SNTG1: variants seen among roughly 807,000 people sequenced by gnomAD.
SNTG1 encodes syntrophin gamma 1.
A neutral mutation model predicts 74.7 loss-of-function variants in SNTG1; 39 were observed. The observed-to-expected ratio is 0.52, with a 90% CI of 0.40 to 0.68. The LOEUF is 0.68. Among genes scored for constraint, SNTG1 ranks in the 30% least tolerant of loss-of-function variants. The probability of loss-of-function intolerance (pLI) is 0.00; values close to 1 mark genes in which losing one functional copy is unlikely to be tolerated. For synonymous variants in SNTG1, 254 were observed against 217.1 expected, an observed-to-expected ratio of 1.17 and a Z score of -1.49; for missense variants, 685 against 609.5, an observed-to-expected ratio of 1.12 and a Z score of -1.30.
intron 2 of SNTG1, among the ~76,000 whole-genome samples, chr8:50,281,500 C>CT (rs1359844729): frequency 6.6e-6 from 1 of 152,174 alleles, no homozygotes; most frequent in East Asian, 1.9e-4. Flanking sequence ...TCACCTTCAG[C>CT]TTGCAGGGCT....
intron 15 of SNTG1, among the ~76,000 whole-genome samples, chr8:50,701,579 T>TTTCTTCTTC (rs1209542582): frequency 1.2e-5 from 1 of 83,756 alleles, no homozygotes; most frequent in Non-Finnish European, 2.1e-5. Flanking sequence ...ATAATACCTT[T>TTTCTTCTTC]TTCTTCCTCT....
chr8:50,442,869 C>G (rs1217295649), intron 5 of SNTG1, among the ~76,000 whole-genome samples: 1 of 152,136 alleles, frequency 6.6e-6, no homozygotes, highest in Non-Finnish European at 1.5e-5. Context: ...GCAGATTCAG[C>G]AGGCTAGTGG....
rs558291651 is a variant in SNTG1, at chr8:50,507,127, CATAG to C, written c.466+4254_466+4257del. Reference sequence around the variant, plus strand: ...TTCTGTTATTGTGATGTGTTAATTACATAGATAGATTTTTTTTCATGTTGAACCA... The same window carrying C: ...TTCTGTTATTGTGATGTGTTAATTACATAGATTTTTTTTCATGTTGAACCA... On this transcript the variant is annotated intron_variant, in intron 9 of 18. Transcript: ENST00000642720. 2.3e-3 allele frequency among the ~76,000 whole-genome samples: 342 copies of C among 151,760 alleles called. 2 individuals are homozygous for C. The highest frequency in any genetic ancestry group is 8.0e-3 in the African/African-American group (332 of 41,394).
intron 18 of SNTG1, among the ~76,000 whole-genome samples, chr8:50,787,732 C>A (rs7821741): frequency 6.6e-6 from 1 of 151,754 alleles, no homozygotes; most frequent in African/African-American, 2.4e-5. Context: ...ATTAAGTGAA[C>A]GTAGATAATC....
At chr8:50,088,887 C>T (rs1176363092) in intron 1 of SNTG1, among the ~76,000 whole-genome samples, 1 of 149,188 alleles carries the variant, frequency 6.7e-6, no homozygotes, top group Non-Finnish European at 1.5e-5. Context: ...ACTTTCTTCA[C>T]AGAATTGGAA....
intron 3 of SNTG1, among the ~76,000 whole-genome samples, chr8:50,394,470 T>A (rs1236702303): frequency 6.6e-6 from 1 of 152,176 alleles, no homozygotes; most frequent in Non-Finnish European, 1.5e-5. Flanking sequence ...TAACTCTTTC[T>A]TTAGGAAGAC....
At chr8:50,257,976 A>G (rs932721221) in intron 2 of SNTG1, among the ~76,000 whole-genome samples, 7 of 152,252 alleles carry the variant, frequency 4.6e-5, no homozygotes, top group African/African-American at 1.4e-4. Context: ...AGAAACAGTC[A>G]AAGGAAATCT....
chr8:50,315,690 G>A (rs79196687), intron 2 of SNTG1, among the ~76,000 whole-genome samples: 2,411 of 138,812 alleles, frequency 0.017, 237 homozygotes, highest in African/African-American at 0.068. Flanking sequence ...CTTTCTCTTG[G>A]ACACTTATAG....
At chr8:50,547,973 A>T (rs1003948476) in intron 11 of SNTG1, among the ~76,000 whole-genome samples, 2 of 152,170 alleles carry the variant, frequency 1.3e-5, no homozygotes, top group Non-Finnish European at 2.9e-5. Flanking sequence ...CCAGGAAGAG[A>T]TAAATAAAAT....
chr8:50,071,913 A>G (rs546238185), intron 1 of SNTG1, among the ~76,000 whole-genome samples: 2 of 152,002 alleles, frequency 1.3e-5, no homozygotes, highest in African/African-American at 4.8e-5. Context: ...AATAAAATAT[A>G]AAAATGTTAA....
chr8:50,701,354 C>G (rs977928556), intron 15 of SNTG1, among the ~76,000 whole-genome samples: 3 of 152,160 alleles, frequency 2.0e-5, no homozygotes, highest in Non-Finnish European at 2.9e-5. Flanking sequence ...CCAGATCAAT[C>G]ATCCCATGTC....
At position 50,081,813 on chromosome 8, in the gene SNTG1, A is replaced by G. The variant is rs553244871; in HGVS notation, c.-102-90748A>G. 8.5e-5 allele frequency among the ~76,000 whole-genome samples: 13 copies of G among 152,064 alleles called. 1 individual carries two copies. In the South Asian group the frequency reaches 2.7e-3, roughly 32 times the overall value. ...CACATCCGACTAATTTTGTATTTTT[A>G]GTAGAGAGGAGGTTTCACCATGTTG... On this transcript the variant is annotated intron_variant, in intron 1 of 18. Coordinates refer to ENST00000642720, the MANE Select transcript of SNTG1 (RefSeq NM_018967.5).
chr8:50,607,539 T>C (rs554080566), intron 13 of SNTG1, among the ~76,000 whole-genome samples: 2 of 151,844 alleles, frequency 1.3e-5, no homozygotes, highest in African/African-American at 4.8e-5. Context: ...TTAACGTTTC[T>C]TCTTGCTTTT....
intron 1 of SNTG1, among the ~76,000 whole-genome samples, chr8:50,068,304 G>A (rs543131935): frequency 4.6e-5 from 7 of 152,266 alleles, no homozygotes; most frequent in African/African-American, 1.7e-4. Context: ...TTACCCGTGC[G>A]TGGTATCCTT....
intron 2 of SNTG1, among the ~76,000 whole-genome samples, chr8:50,176,091 T>C (rs2082989393): frequency 6.6e-6 from 1 of 152,124 alleles, no homozygotes; most frequent in East Asian, 1.9e-4. Flanking sequence ...AAGAGTATTA[T>C]AATAAAACAC....
chr8:50,295,932 G>A (rs2089345518), intron 2 of SNTG1, among the ~76,000 whole-genome samples: 1 of 152,116 alleles, frequency 6.6e-6, no homozygotes, highest in South Asian at 2.1e-4. Context: ...ATGTAAAAAA[G>A]TGCACCTAAA....
intron 13 of SNTG1, among the ~76,000 whole-genome samples, chr8:50,608,747 A>AT (rs1345631566): frequency 3.3e-5 from 5 of 151,502 alleles, no homozygotes; most frequent in Non-Finnish European, 5.9e-5. Context: ...CAATTCTGCT[A>AT]TTTTTTCTAG....
intron 1 of SNTG1, among the ~76,000 whole-genome samples, chr8:50,076,135 A>T (rs966152113): frequency 6.6e-6 from 1 of 152,188 alleles, no homozygotes; most frequent in Admixed American, 6.5e-5. Context: ...TGGAAGCTTG[A>T]TGGATAGAGC....
rs144852384 is a variant in SNTG1 at position 50,586,697 on chromosome 8, T to G, written c.811-4182T>G. ...CACACACATTACTGAGGACTGAGGA[T>G]CCTTATAAGCCTTTAAAATGTTGTG... On this transcript the variant is annotated intron_variant, in intron 12 of 18. Coordinates refer to ENST00000642720, the MANE Select transcript of SNTG1 (RefSeq NM_018967.5). Among the ~76,000 whole-genome samples, 197 of 151,956 alleles carry G rather than the reference T, an allele frequency of 1.3e-3. 1 individual carries two copies. The East Asian group carries it at 0.033, about 25-fold the overall frequency.
Sources: allele counts gnomAD v4.1 joint callset (sites outside exome capture counted in the v4.1 genomes callset), GRCh38; gene constraint gnomAD v4.1.1; transcripts MANE v1.5; gene names NCBI Gene and HGNC (gene_info 2026-07-23, HGNC 2026-07-21).